TBC1D32: variants seen among roughly 807,000 people sequenced by gnomAD.
TBC1D32 encodes the protein TBC1 domain family member 32, also known as protein broad-minded.
A neutral mutation model predicts 170.3 loss-of-function variants in TBC1D32; 151 were observed. The ratio of observed to expected loss-of-function variants is 0.89; its 90% confidence interval spans 0.78 to 1.01. The LOEUF (loss-of-function observed/expected upper bound fraction) is 1.01. Among genes scored for constraint, TBC1D32 ranks in the 50% least tolerant of loss-of-function variants. The probability of loss-of-function intolerance (pLI) is 0.00; values close to 1 mark genes in which losing one functional copy is unlikely to be tolerated. For synonymous variants in TBC1D32, 498 were observed against 488.0 expected (o/e 1.02, Z -0.27); for missense variants, 1,464 against 1,457.1 (o/e 1.00, Z -0.08).
chr6:121,220,511 G>A (rs1389111223), intron 21 of TBC1D32, among the ~76,000 whole-genome samples: 3 of 152,108 alleles, frequency 2.0e-5, no homozygotes, highest in Non-Finnish European at 4.4e-5. Context: ...GGGATTCAAG[G>A]AAAGAAGCTG....
chr6:121,289,586 T>C (rs1804488483), intron 12 of TBC1D32, among the ~76,000 whole-genome samples: 1 of 152,312 alleles, frequency 6.6e-6, no homozygotes, highest in Non-Finnish European at 1.5e-5. Flanking sequence ...AGGCAATTTA[T>C]AGATTCAATC....
Position 121,287,511 on chromosome 6 carries a change from T to C in TBC1D32, c.1373-3601A>G, listed in dbSNP as rs569871165. Among the ~76,000 whole-genome samples, 43 of 152,166 alleles carry C rather than the reference T, an allele frequency of 2.8e-4. 2 individuals carry two copies. Among genetic ancestry groups the C allele is most frequent in the African/African-American group, 1.0e-3 (43 of 41,528 alleles). On this transcript the variant is annotated intron_variant, in intron 12 of 31. Transcript: ENST00000398212. ...CACCCAGATTCATAAAGAAAGTCCT[T>C]AGAGACCTACAAAGAGACTTACACT...
chr6:121,243,820 C>T (rs1356305377), intron 17 of TBC1D32, among the ~76,000 whole-genome samples: 4 of 150,986 alleles, frequency 2.6e-5, no homozygotes, highest in Non-Finnish European at 5.9e-5. Flanking sequence ...CACAGACGCA[C>T]TTCCAATATT....
intron 30 of TBC1D32, among the ~76,000 whole-genome samples, chr6:121,102,696 A>G (rs560529253): frequency 2.0e-5 from 3 of 152,284 alleles, no homozygotes. Context: ...CTTCATGACT[A>G]AGACACCAAA....
chr6:121,132,089 A>G (rs1219345284), intron 24 of TBC1D32, among the ~76,000 whole-genome samples: 1 of 151,942 alleles, frequency 6.6e-6, no homozygotes, highest in African/African-American at 2.4e-5. Flanking sequence ...CACTATGTGG[A>G]CTGACAGGAA....
rs75744292 is a variant in TBC1D32, at chr6:121,184,147, C to T, written c.2570+20928G>A. On this transcript the variant is annotated intron_variant, in intron 22 of 31. Coordinates refer to ENST00000398212, the MANE Select transcript of TBC1D32 (RefSeq NM_152730.6). ...TGAATGTCAGAAACAGGTACTTTCA[C>T]CAGGCACGGACAATGTATCTTTACC... Among the ~76,000 whole-genome samples, 91 of 152,134 alleles carry T rather than the reference C, an allele frequency of 6.0e-4. 1 individual carries two copies. In the East Asian group the frequency reaches 0.017, roughly 28 times the overall value.
intron 26 of TBC1D32, among the ~76,000 whole-genome samples, chr6:121,119,280 G>T (rs1281157466): frequency 6.6e-6 from 1 of 151,952 alleles, no homozygotes; most frequent in East Asian, 1.9e-4. Flanking sequence ...CCTAATTTTA[G>T]GTATATGTCC....
Position 121,328,566 on chromosome 6 carries a change from G to A in TBC1D32, c.155+5710C>T, listed in dbSNP as rs142788431. On this transcript the variant is annotated intron_variant, in intron 1 of 31. Coordinates refer to ENST00000398212, the MANE Select transcript of TBC1D32 (RefSeq NM_152730.6). Reference sequence around the variant, plus strand: ...CCCAAAGTGTTGGGATTACAGGCGTGAGCCACCATGCCCGGCCTCTAGTTT... The same window carrying A: ...CCCAAAGTGTTGGGATTACAGGCGTAAGCCACCATGCCCGGCCTCTAGTTT... 8.9e-3 allele frequency among the ~76,000 whole-genome samples: 1,354 copies of A among 152,186 alleles called. 25 individuals are homozygous for A. Among genetic ancestry groups the A allele is most frequent in the African/African-American group, 0.031 (1,278 of 41,518 alleles).
intron 22 of TBC1D32, among the ~76,000 whole-genome samples, chr6:121,177,551 A>G (rs974663499): frequency 6.6e-6 from 1 of 152,204 alleles, no homozygotes; most frequent in African/African-American, 2.4e-5. Flanking sequence ...GGACTAATAT[A>G]GTAGCATACA....
chr6:121,225,027 T>C (rs1323882510), intron 20 of TBC1D32, among the ~76,000 whole-genome samples: 3 of 152,024 alleles, frequency 2.0e-5, no homozygotes, highest in East Asian at 1.9e-4. Flanking sequence ...TGAATGCCTC[T>C]GTAAAGAGAA....
intron 21 of TBC1D32, among the ~76,000 whole-genome samples, chr6:121,212,295 C>T (rs1310409634): frequency 6.6e-6 from 1 of 151,914 alleles, no homozygotes; most frequent in East Asian, 1.9e-4. Flanking sequence ...ACCAGATGTA[C>T]AAATAAGAGC....
intron 24 of TBC1D32, 40 bp from the exon 25 acceptor site, chr6:121,131,792 T>C (rs1371785434): frequency 1.4e-6 from 2 of 1,473,004 alleles, no homozygotes; most frequent in East Asian, 2.3e-5. Flanking sequence ...TAAGACATGC[T>C]AGATATACTG....
chr6:121,141,646 AT>A (rs1464254440), intron 24 of TBC1D32, among the ~76,000 whole-genome samples: 1 of 151,788 alleles, frequency 6.6e-6, no homozygotes, highest in Non-Finnish European at 1.5e-5. Context: ...ATAGAAAATA[AT>A]TTATGTCAGC....
intron 22 of TBC1D32, among the ~76,000 whole-genome samples, chr6:121,172,723 A>G (rs138042415): frequency 0.024 from 3,678 of 152,320 alleles, 165 homozygotes; most frequent in East Asian, 0.12. Context: ...ATGCTTGTGC[A>G]TGTATACACT....
At chr6:121,308,907 T>C (rs922812534) in intron 4 of TBC1D32, among the ~76,000 whole-genome samples, 4 of 152,186 alleles carry the variant, frequency 2.6e-5, no homozygotes, top group African/African-American at 9.6e-5. Context: ...TCCCACTCAA[T>C]ATCCAAGTCG....
At chr6:121,267,684 G>A (rs1300094136) in intron 15 of TBC1D32, among the ~76,000 whole-genome samples, 1 of 152,252 alleles carries the variant, frequency 6.6e-6, no homozygotes. Context: ...CCACCTCTGG[G>A]GACAGGGCAT....
intron 17 of TBC1D32, among the ~76,000 whole-genome samples, chr6:121,244,020 G>A (rs1046736225): frequency 6.6e-6 from 1 of 151,918 alleles, no homozygotes; most frequent in Non-Finnish European, 1.5e-5. Context: ...GTAAGAGAGG[G>A]AGAAAAGCAA....
chr6:121,326,619 A>T (rs114801413), intron 1 of TBC1D32, among the ~76,000 whole-genome samples: 196 of 152,244 alleles, frequency 1.3e-3, no homozygotes, highest in African/African-American at 4.5e-3. Context: ...TAGTGACTTA[A>T]TTTTTACCTA....
Position 121,305,104 on chromosome 6 carries a change from G to A in TBC1D32, c.691-271C>T, listed in dbSNP as rs1460686078. Among the ~76,000 whole-genome samples the A allele has an allele frequency of 2.0e-5, 3 of 152,078 alleles. No homozygotes were observed. In the East Asian group the frequency reaches 5.8e-4, roughly 29 times the overall value. ...ACTGACATGGTGAGGAGGGGGTAAG[G>A]TGAGGTTTCATAGAGGAGACAATGT... On this transcript the variant is annotated intron_variant, in intron 5 of 31. Transcript: ENST00000398212.
Sources: allele counts gnomAD v4.1 joint callset (sites outside exome capture counted in the v4.1 genomes callset), GRCh38; gene constraint gnomAD v4.1.1; transcripts MANE v1.5; gene names NCBI Gene and HGNC (gene_info 2026-07-23, HGNC 2026-07-21).